Variants in SND1 observed in about 807,000 individuals in gnomAD.
The protein encoded by SND1 is staphylococcal nuclease domain-containing protein 1.
In SND1, 38 loss-of-function variants were observed where a neutral mutation model predicts 121.7. That is an observed-to-expected ratio of 0.31 (90% CI 0.24 to 0.41). The LOEUF is 0.41. Among genes scored for constraint, SND1 ranks in the 10% least tolerant of loss-of-function variants. SND1 has a pLI of 1.00. For synonymous variants in SND1, 401 were observed against 447.4 expected (o/e 0.90, Z 1.31); for missense variants, 868 against 1,184.6 (o/e 0.73, Z 3.92).
intron 1 of SND1, among the ~76,000 whole-genome samples, chr7:127,657,856 C>G (rs993142339): frequency 2.6e-5 from 4 of 152,068 alleles, no homozygotes; most frequent in Non-Finnish European, 5.9e-5. Flanking sequence ...CGTTCAGTAT[C>G]CCATGTAAAT....
In SND1 at chr7:127,991,009, A is replaced by G. The variant is rs752252965; in HGVS notation, c.1732A>G (p.Ser578Gly). The change falls in exon 16 of 24, where the codon AGC becomes GGC. Residue 578 changes from serine (S) to glycine (G), a missense_variant. This residue lies in a region of SND1 where 743 missense variants were observed against 1,071.3 expected (regional missense o/e 0.69). Transcript: ENST00000354725. ...PGLVQEGEPFSEEATLFTKEL... is the reference protein window; with the variant it reads ...PGLVQEGEPFGEEATLFTKEL... ...CTTGGTGCAGGAAGGAGAGCCCTTC[A>G]GCGAGGAAGCTACACTTTTCACCAA... 36 of 1,613,954 alleles carry G rather than the reference A, an allele frequency of 2.2e-5. No homozygotes were observed. The highest frequency in any genetic ancestry group is 3.0e-5 in the Non-Finnish European group (35 of 1,179,962).
At chr7:128,066,535 C>T (rs1158481705) in intron 16 of SND1, among the ~76,000 whole-genome samples, 1 of 152,162 alleles carries the variant, frequency 6.6e-6, no homozygotes, top group African/African-American at 2.4e-5. Context: ...TCTAGCCAGC[C>T]CACTCCCCAC....
intron 11 of SND1, among the ~76,000 whole-genome samples, chr7:127,829,668 G>A (rs185846995): frequency 3.8e-3 from 576 of 152,244 alleles, no homozygotes; most frequent in Non-Finnish European, 6.6e-3. Flanking sequence ...CACCGTAGTG[G>A]ATAAACAAAG....
Position 127,685,351 on chromosome 7 carries a change from G to A in SND1, c.79-1262G>A, listed in dbSNP as rs114823508. Reference sequence around the variant, plus strand: ...CCTTTACTGAGAACTCCATGGTCTTGTCTAAACAGTGTTCTGTGTTGACAG... The same window carrying A: ...CCTTTACTGAGAACTCCATGGTCTTATCTAAACAGTGTTCTGTGTTGACAG... On this transcript the variant is annotated intron_variant, in intron 1 of 23. Coordinates refer to ENST00000354725, the MANE Select transcript of SND1 (RefSeq NM_014390.4). Among the ~76,000 whole-genome samples, 906 of 152,232 alleles carry A rather than the reference G, an allele frequency of 6.0e-3. 10 individuals carry two copies. Among genetic ancestry groups the A allele is most frequent in the African/African-American group, 0.021 (860 of 41,520 alleles).
intron 1 of SND1, among the ~76,000 whole-genome samples, chr7:127,678,295 C>T (rs1310159551): frequency 2.0e-5 from 3 of 152,120 alleles, no homozygotes; most frequent in African/African-American, 7.2e-5. Flanking sequence ...ATAAAATAGC[C>T]CAGATTAGAT....
chr7:127,879,970 A>T (rs922131482), intron 12 of SND1, among the ~76,000 whole-genome samples: 1 of 152,212 alleles, frequency 6.6e-6, no homozygotes, highest in African/African-American at 2.4e-5. Flanking sequence ...TCAGTGAAGT[A>T]GTAGTTCCCC....
intron 15 of SND1, among the ~76,000 whole-genome samples, chr7:127,948,536 A>G (rs1801385745): frequency 6.6e-6 from 1 of 152,238 alleles, no homozygotes; most frequent in Non-Finnish European, 1.5e-5. Context: ...TAAACACTCT[A>G]ATTGGATAAC....
In SND1 at chr7:128,029,017, C is replaced by T. The variant is rs1386554042; in HGVS notation, c.1779+37961C>T. 6.2e-7 allele frequency: 1 copy of T among 1,613,556 alleles called. No individual in the cohort carries two copies. Among genetic ancestry groups the T allele is most frequent in the African/African-American group, 1.3e-5 (1 of 74,982 alleles). The stretch of plus-strand genomic sequence containing the variant: ...AGTTTATAGAAGACAATCAACATGG[C>T]GGCAGCTAGCAGAGTCACTGCCACA... On this transcript the variant is annotated intron_variant, in intron 16 of 23. Coordinates refer to ENST00000354725, the MANE Select transcript of SND1 (RefSeq NM_014390.4). The surrounding 1 kb of genome is among the most constrained non-coding windows in gnomAD (Gnocchi z 4.2).
intron 10 of SND1, among the ~76,000 whole-genome samples, chr7:127,795,729 T>C (rs1228525803): frequency 6.6e-6 from 1 of 152,236 alleles, no homozygotes; most frequent in Non-Finnish European, 1.5e-5. Context: ...GGATTTTCTC[T>C]AACATTAGAC....
intron 15 of SND1, among the ~76,000 whole-genome samples, chr7:127,972,264 G>A (rs535393611): frequency 1.3e-5 from 2 of 151,850 alleles, no homozygotes; most frequent in African/African-American, 4.8e-5. Context: ...CGGTGAGGGG[G>A]GTTGTTTTGT....
At chr7:128,004,038 CTT>C (rs34590935) in intron 16 of SND1, among the ~76,000 whole-genome samples, 147 of 130,826 alleles carry the variant, frequency 1.1e-3, no homozygotes, top group Non-Finnish European at 1.1e-3. Flanking sequence ...AACTTACTTT[CTT>C]TTTTTTTTTT....
At chr7:127,768,219 T>C (rs571070700) in intron 10 of SND1, among the ~76,000 whole-genome samples, 15 of 152,202 alleles carry the variant, frequency 9.9e-5, no homozygotes, top group Non-Finnish European at 1.8e-4. Context: ...CTGATTTTAA[T>C]CAAAATCTGT....
intron 10 of SND1, among the ~76,000 whole-genome samples, chr7:127,772,454 A>C (rs1056441761): frequency 1.2e-4 from 18 of 152,152 alleles, no homozygotes; most frequent in Non-Finnish European, 1.5e-5. Flanking sequence ...AACAGAAGTA[A>C]TGTCTGTGAT....
At chr7:127,765,909 C>T (rs1039595812) in intron 10 of SND1, among the ~76,000 whole-genome samples, 9 of 152,076 alleles carry the variant, frequency 5.9e-5, no homozygotes, top group Non-Finnish European at 8.8e-5. Flanking sequence ...TTTAATATTC[C>T]TTGGATGAAC....
intron 2 of SND1, among the ~76,000 whole-genome samples, chr7:127,691,214 A>C (rs1173651859): frequency 1.5e-5 from 2 of 136,350 alleles, no homozygotes; most frequent in African/African-American, 4.9e-5. Context: ...ACCTATTGAA[A>C]TAAAAAAAAA....
chr7:127,755,524 A>G (rs969458623), intron 10 of SND1, among the ~76,000 whole-genome samples: 2 of 152,220 alleles, frequency 1.3e-5, no homozygotes, highest in African/African-American at 4.8e-5. Flanking sequence ...CTTGTTTCAG[A>G]CACCTCTCAA....
chr7:127,768,562 A>G (rs1013866174), intron 10 of SND1, among the ~76,000 whole-genome samples: 2 of 152,230 alleles, frequency 1.3e-5, no homozygotes, highest in African/African-American at 2.4e-5. Flanking sequence ...CTAAAAATTT[A>G]GAGACGATGA....
chr7:128,044,291 T>C (rs766412721), intron 16 of SND1, among the ~76,000 whole-genome samples: 3 of 152,186 alleles, frequency 2.0e-5, no homozygotes, highest in African/African-American at 4.8e-5. Context: ...AGCCCTGACT[T>C]GTAGCACAGA....
chr7:127,668,426 A>G (rs1222511127), intron 1 of SND1, among the ~76,000 whole-genome samples: 1 of 152,206 alleles, frequency 6.6e-6, no homozygotes, highest in Non-Finnish European at 1.5e-5. Flanking sequence ...ATTACATAAG[A>G]GAATAATTGT....
Sources: gnomAD v4.1 joint callset for allele counts (sites outside exome capture counted in the v4.1 genomes callset) on GRCh38, gnomAD v4.1.1 for gene constraint, gnomAD v4.1.1 regional missense constraint, Gnocchi (gnomAD v3.1) non-coding constraint, MANE v1.5 for transcripts, NCBI Gene and HGNC (gene_info 2026-07-23, HGNC 2026-07-21) for gene names.